CUX1: variants seen among roughly 807,000 people sequenced by gnomAD.
CUX1 encodes protein CASP.
In CUX1, 31 loss-of-function variants were observed where a neutral mutation model predicts 158.8. That is an observed-to-expected ratio of 0.20 (90% CI 0.15 to 0.26). The LOEUF (loss-of-function observed/expected upper bound fraction) is 0.26, where lower values mean the gene tolerates loss of function less well. Ranked by LOEUF, CUX1 falls within the 10% of genes least tolerant of loss-of-function variation. The pLI, the probability that CUX1 is intolerant of heterozygous loss-of-function variation, is 1.00. For synonymous variants in CUX1, 879 were observed against 862.1 expected (o/e 1.02, Z -0.34); for missense variants, 1,589 against 2,014.6 (o/e 0.79, Z 4.04).
chr7:102,227,292 T>C (rs377201577), intron 20 of CUX1, 75 bp from the exon 21 acceptor site: 6 of 1,308,648 alleles, frequency 4.6e-6, no homozygotes, highest in Non-Finnish European at 5.4e-6. Flanking sequence ...TAGTATTTCC[T>C]AGATAAGGAA....
At chr7:101,844,275 C>T (rs900009474) in intron 1 of CUX1, among the ~76,000 whole-genome samples, 2 of 147,914 alleles carry the variant, frequency 1.4e-5, no homozygotes, top group Non-Finnish European at 3.0e-5. Flanking sequence ...AATAAAGTCT[C>T]TTTCCTCCAG....
intron 2 of CUX1, among the ~76,000 whole-genome samples, chr7:101,945,229 C>T (rs1000665545): frequency 1.4e-4 from 22 of 152,082 alleles, no homozygotes; most frequent in African/African-American, 5.1e-4. Flanking sequence ...CGGCTTCCAC[C>T]CAGGCAGGCT....
intron 9 of CUX1, among the ~76,000 whole-genome samples, chr7:102,163,163 C>T (rs782541096): frequency 8.5e-5 from 13 of 152,142 alleles, no homozygotes; most frequent in Non-Finnish European, 1.3e-4. Context: ...GAGAAGGGGA[C>T]GTTGCCCTGG....
At chr7:101,820,013 T>C (rs1027501587) in intron 1 of CUX1, among the ~76,000 whole-genome samples, 2 of 152,220 alleles carry the variant, frequency 1.3e-5, no homozygotes, top group Non-Finnish European at 2.9e-5. Context: ...AATGGCTATT[T>C]AAAAAGTCTC....
intron 3 of CUX1, among the ~76,000 whole-genome samples, chr7:102,029,897 G>A (rs1467638087): frequency 2.6e-5 from 4 of 152,122 alleles, no homozygotes; most frequent in Non-Finnish European, 4.4e-5. Flanking sequence ...TGGCTTCCTA[G>A]TTCTCTCGCT....
intron 11 of CUX1, among the ~76,000 whole-genome samples, chr7:102,186,500 G>T (rs1554515295): frequency 1.3e-5 from 2 of 151,998 alleles, no homozygotes; most frequent in Non-Finnish European, 2.9e-5. Flanking sequence ...TAACAATGAG[G>T]CTGTGTTCTG....
intron 12 of CUX1, among the ~76,000 whole-genome samples, chr7:102,192,510 G>A (rs946319272): frequency 6.6e-6 from 1 of 152,158 alleles, no homozygotes; most frequent in African/African-American, 2.4e-5. Flanking sequence ...AATAGGAAAC[G>A]AAGGACAGGA....
Position 102,103,430 on chromosome 7 carries a change from TCTCTCA to T in CUX1, c.407-902_407-897del, listed in dbSNP as rs1164548823. The stretch of plus-strand genomic sequence containing the variant: ...TTTGCTCTCCGTTTCTCTCTCTCTC[TCTCTCA>T]CTCACTCACTCACTCACTCACTCAC... On this transcript the variant is annotated intron_variant, in intron 5 of 23. Coordinates refer to ENST00000292535, the MANE Select transcript of CUX1 (RefSeq NM_181552.4). Among the ~76,000 whole-genome samples the T allele has an allele frequency of 2.6e-3, 287 of 110,086 alleles. 2 individuals carry two copies. Among genetic ancestry groups the T allele is most frequent in the African/African-American group, 9.8e-3 (279 of 28,576 alleles). The allele number at this position is 110,086 out of a possible 152,430, so 72.2% of individuals were successfully genotyped here. A position where few individuals can be genotyped will look rare whatever the true frequency, so the allele number is the denominator to read the frequency against.
At chr7:102,017,222 CG>C (rs1483202115) in intron 2 of CUX1, among the ~76,000 whole-genome samples, 1 of 127,306 alleles carries the variant, frequency 7.9e-6, no homozygotes, top group Non-Finnish European at 1.7e-5. Context: ...ACCTGGGAGG[CG>C]GAGGTTGCAG....
At chr7:101,853,001 T>G (rs1253239021) in intron 1 of CUX1, among the ~76,000 whole-genome samples, 1 of 152,150 alleles carries the variant, frequency 6.6e-6, no homozygotes, top group African/African-American at 2.4e-5. Flanking sequence ...CTTACTGTCT[T>G]TACTTTGTAA....
chr7:102,207,762 T>TA (rs1796104582), intron 20 of CUX1, among the ~76,000 whole-genome samples: 2 of 152,138 alleles, frequency 1.3e-5, no homozygotes. Flanking sequence ...AGGAAAATTT[T>TA]AAAAAATTGT....
At chr7:101,965,075 C>T (rs1234981041) in intron 2 of CUX1, among the ~76,000 whole-genome samples, 3 of 152,224 alleles carry the variant, frequency 2.0e-5, no homozygotes, top group African/African-American at 7.2e-5. Context: ...CTACTTCTTG[C>T]CAGACAGAAA....
chr7:101,817,513 G>T, upstream of CUX1: 3 of 1,159,732 alleles, frequency 2.6e-6, no homozygotes, highest in African/African-American at 1.6e-5. The surrounding 1 kb of genome is among the most constrained non-coding windows in gnomAD (Gnocchi z 4.1). Flanking sequence ...AGTCGCCGCC[G>T]TGCCCAAGGG....
intron 1 of CUX1, among the ~76,000 whole-genome samples, chr7:101,907,599 C>G (rs1428583503): frequency 6.6e-6 from 1 of 152,014 alleles, no homozygotes; most frequent in Admixed American, 6.6e-5. Context: ...TCCACCTGCT[C>G]CAGCCTCCCA....
intron 3 of CUX1, among the ~76,000 whole-genome samples, chr7:102,037,437 C>T (rs949160624): frequency 6.0e-5 from 9 of 150,968 alleles, no homozygotes; most frequent in African/African-American, 1.2e-4. Flanking sequence ...ACCACAACCT[C>T]TGCCTCCCGG....
Position 101,817,697 on chromosome 7 carries a change from G to A in CUX1, c.30+28G>A. On this transcript the variant is annotated intron_variant, in intron 1 of 23. Transcript: ENST00000292535. The surrounding 1 kb of genome is among the most constrained non-coding windows in gnomAD (Gnocchi z 4.1). Reference sequence around the variant, plus strand: ...GAGCGGCGTGTGGGCCAGAAGTCCCGAGGTTGCAGGCGCGGAGGGAACCGG... The same window carrying A: ...GAGCGGCGTGTGGGCCAGAAGTCCCAAGGTTGCAGGCGCGGAGGGAACCGG... The A allele has an allele frequency of 6.5e-7, 1 of 1,549,580 alleles. No homozygotes were observed. Among genetic ancestry groups the A allele is most frequent in the Non-Finnish European group, 8.7e-7 (1 of 1,146,666 alleles).
rs1408978984 is a variant in CUX1 at position 101,957,999 on chromosome 7, GA to G, written c.141+41775del. On this transcript the variant is annotated intron_variant, in intron 2 of 23. Coordinates refer to ENST00000292535, the MANE Select transcript of CUX1 (RefSeq NM_181552.4). The stretch of plus-strand genomic sequence containing the variant: ...CCTTGTCCCTACCCGTGTAATGGGG[GA>G]TCTCTGGTACCCATCTCATGGAGCT... Among the ~76,000 whole-genome samples the G allele has an allele frequency of 2.0e-5, 3 of 152,272 alleles. No homozygotes were observed. The East Asian group carries it at 5.8e-4, about 29-fold the overall frequency.
Position 102,257,987 on chromosome 7 carries a change from AT to A in CUX1, c.*8948del. ...CTCTGGTAACATTTTATTTCTTGCT[AT>A]TTGTTTTTCTACATTAAGAGTCAAA... On this transcript the variant is annotated 3_prime_UTR_variant, in exon 24 of 24. Coordinates refer to ENST00000292535, the MANE Select transcript of CUX1 (RefSeq NM_181552.4). 2.1e-6 allele frequency: 2 copies of A among 960,572 alleles called. No individual in the cohort carries two copies. Among genetic ancestry groups the A allele is most frequent in the Non-Finnish European group, 2.4e-6 (2 of 824,420 alleles). 59.5% of individuals were successfully genotyped at this position (960,572 alleles called of 1,614,324 possible).
intron 22 of CUX1, among the ~76,000 whole-genome samples, chr7:102,235,161 A>G (rs538156287): frequency 5.3e-5 from 8 of 152,368 alleles, no homozygotes; most frequent in Admixed American, 4.6e-4. Context: ...AGGCTACAGC[A>G]TAGGAAAAAT....
Sources: allele counts gnomAD v4.1 joint callset (sites outside exome capture counted in the v4.1 genomes callset), GRCh38; gene constraint gnomAD v4.1.1; non-coding constraint Gnocchi (gnomAD v3.1); transcripts MANE v1.5; gene names NCBI Gene and HGNC (gene_info 2026-07-23, HGNC 2026-07-21).